Variants in NTNG1 observed in about 807,000 individuals in gnomAD.
The protein encoded by NTNG1 is netrin-G1.
In NTNG1, 16 loss-of-function variants were observed where a neutral mutation model predicts 54.0. The ratio of observed to expected loss-of-function variants is 0.30; its 90% CI spans 0.20 to 0.45. The LOEUF (loss-of-function observed/expected upper bound fraction) is 0.45, where lower values mean the gene tolerates loss of function less well. Ranked by LOEUF, NTNG1 falls within the 20% of genes least tolerant of loss-of-function variation. The pLI, the probability that NTNG1 is intolerant of heterozygous loss-of-function variation, is 1.00. For synonymous variants in NTNG1, 255 were observed against 263.1 expected, an observed-to-expected ratio of 0.97 and a Z score of 0.30; for missense variants, 530 against 678.7, an observed-to-expected ratio of 0.78 and a Z score of 2.43.
chr1:107,433,031 A>C (rs977786032), intron 6 of NTNG1, among the ~76,000 whole-genome samples: 4 of 152,212 alleles, frequency 2.6e-5, no homozygotes, highest in Admixed American at 6.5e-5. Context: ...AAACTACAGA[A>C]GAAATATGAA....
At chr1:107,402,271 G>A (rs905467860) in intron 4 of NTNG1, among the ~76,000 whole-genome samples, 6 of 152,084 alleles carry the variant, frequency 3.9e-5, no homozygotes, top group Non-Finnish European at 8.8e-5. Context: ...TAATAACATC[G>A]GGCTGAAACA....
intron 2 of NTNG1, among the ~76,000 whole-genome samples, chr1:107,223,483 G>A (rs1660483661): frequency 6.6e-6 from 1 of 152,092 alleles, no homozygotes; most frequent in South Asian, 2.1e-4. Context: ...GGCAATGGGT[G>A]TTCCTTACTA....
chr1:107,468,597 G>T (rs1411075441), intron 7 of NTNG1, among the ~76,000 whole-genome samples: 2 of 152,116 alleles, frequency 1.3e-5, no homozygotes, highest in Non-Finnish European at 2.9e-5. Flanking sequence ...TTCCCATAAT[G>T]GTTTCTCACC....
At chr1:107,362,618 C>T (rs1557934009) in intron 3 of NTNG1, among the ~76,000 whole-genome samples, 1 of 152,194 alleles carries the variant, frequency 6.6e-6, no homozygotes, top group Non-Finnish European at 1.5e-5. Context: ...TAGATGTGTG[C>T]TCAGTGTCCA....
In NTNG1 at chr1:107,412,284, T is replaced by C. The variant is rs116616407; in HGVS notation, c.1087+4576T>C. ...GTTACTTCAAGGATGTGGCTATCAA[T>C]TGAAGTCTTCTTGGACTATCAATGG... On this transcript the variant is annotated intron_variant, in intron 5 of 7. Transcript: ENST00000370068. Among the ~76,000 whole-genome samples the C allele has an allele frequency of 4.9e-3, 754 of 152,328 alleles. 6 individuals are homozygous for C. Among genetic ancestry groups the C allele is most frequent in the Middle Eastern group, 0.037 (11 of 294 alleles).
At chr1:107,420,888 T>A (rs1674531191) in intron 5 of NTNG1, among the ~76,000 whole-genome samples, 1 of 152,064 alleles carries the variant, frequency 6.6e-6, no homozygotes, top group South Asian at 2.1e-4. Flanking sequence ...TTCTAAATTG[T>A]ATTACTGACA....
At chr1:107,454,771 A>T (rs1408399850) in intron 7 of NTNG1, among the ~76,000 whole-genome samples, 1 of 152,228 alleles carries the variant, frequency 6.6e-6, no homozygotes, top group African/African-American at 2.4e-5. Flanking sequence ...TCTTCGCATC[A>T]TTTTATCTGA....
intron 2 of NTNG1, among the ~76,000 whole-genome samples, chr1:107,248,846 T>C (rs1662372536): frequency 6.6e-6 from 1 of 152,058 alleles, no homozygotes; most frequent in Admixed American, 6.6e-5. Context: ...TTTATTATTA[T>C]TGATTGAAAT....
At chr1:107,145,781 G>A (rs1370497389) in intron 1 of NTNG1, among the ~76,000 whole-genome samples, 2 of 152,068 alleles carry the variant, frequency 1.3e-5, no homozygotes, top group Non-Finnish European at 2.9e-5. Flanking sequence ...GCACTCTTCT[G>A]CATTTTTCCT....
rs768975684 is a variant in NTNG1, at chr1:107,368,828, A to G, written c.888-26326A>G. The stretch of plus-strand genomic sequence containing the variant: ...TTGTCTTTATTTTGTAAACAGTTTT[A>G]TTGAAATGTAATTGACATACAATAA... On this transcript the variant is annotated intron_variant, in intron 3 of 7. Transcript: ENST00000370068. Among the ~76,000 whole-genome samples, 19 of 152,320 alleles carry G rather than the reference A, an allele frequency of 1.2e-4. No individual in the cohort carries two copies. The South Asian group carries it at 1.9e-3, about 15-fold the overall frequency.
At chr1:107,251,261 A>G (rs1423851932) in intron 2 of NTNG1, among the ~76,000 whole-genome samples, 1 of 152,246 alleles carries the variant, frequency 6.6e-6, no homozygotes, top group African/African-American at 2.4e-5. Context: ...TGTGCATAAT[A>G]GAATCTTTCC....
intron 3 of NTNG1, among the ~76,000 whole-genome samples, chr1:107,351,166 C>T (rs541756802): frequency 6.6e-6 from 1 of 152,286 alleles, no homozygotes; most frequent in South Asian, 2.1e-4. Context: ...TCTTTGTCTT[C>T]CCCAAATCAC....
chr1:107,252,808 CT>C (rs557070491), intron 2 of NTNG1, among the ~76,000 whole-genome samples: 19 of 152,278 alleles, frequency 1.2e-4, no homozygotes, highest in African/African-American at 4.1e-4. Flanking sequence ...ATTTCAGTTG[CT>C]GTAGTCAAAG....
chr1:107,477,434 C>G (rs1212087100), intron 7 of NTNG1, among the ~76,000 whole-genome samples: 1 of 152,204 alleles, frequency 6.6e-6, no homozygotes, highest in Non-Finnish European at 1.5e-5. Flanking sequence ...CTCTAGTGCC[C>G]CCTGTTGGTG....
chr1:107,434,361 C>T lies in NTNG1; in HGVS notation c.1256-2304C>T, dbSNP rs140084159. 7.1e-3 allele frequency among the ~76,000 whole-genome samples: 1,082 copies of T among 152,302 alleles called. 6 individuals carry two copies. The highest frequency in any genetic ancestry group is 0.025 in the African/African-American group (1,021 of 41,578). On this transcript the variant is annotated intron_variant, in intron 6 of 7. Transcript: ENST00000370068. ...GCCCATTTTTTCTACAAATTCCAAA[C>T]ACAGCCATGTCTCCAAAGATACATG...
intron 2 of NTNG1, among the ~76,000 whole-genome samples, chr1:107,244,089 A>G (rs2101590646): frequency 6.6e-6 from 1 of 152,358 alleles, no homozygotes; most frequent in Admixed American, 6.5e-5. Flanking sequence ...TATAATAAAT[A>G]CATTTGAAAA....
At chr1:107,385,276 G>A (rs1273288289) in intron 3 of NTNG1, among the ~76,000 whole-genome samples, 1 of 152,074 alleles carries the variant, frequency 6.6e-6, no homozygotes, top group Non-Finnish European at 1.5e-5. Context: ...AGTTGTCTGA[G>A]GGCTGGGATT....
intron 2 of NTNG1, among the ~76,000 whole-genome samples, chr1:107,206,890 G>A (rs747684711): frequency 3.3e-5 from 5 of 152,050 alleles, no homozygotes; most frequent in Non-Finnish European, 7.4e-5. Flanking sequence ...ATAAGACCTC[G>A]ATGTATATTC....
At chr1:107,298,979 G>T (rs560109780) in intron 2 of NTNG1, among the ~76,000 whole-genome samples, 2 of 152,268 alleles carry the variant, frequency 1.3e-5, no homozygotes, top group African/African-American at 4.8e-5. Flanking sequence ...TGTTGCTTTG[G>T]ACTATGGGTA....
Sources: allele counts gnomAD v4.1 joint callset (sites outside exome capture counted in the v4.1 genomes callset), GRCh38; gene constraint gnomAD v4.1.1; transcripts MANE v1.5; gene names NCBI Gene and HGNC (gene_info 2026-07-23, HGNC 2026-07-21).